The following PKHD1 variants were observed in gnomAD, a reference collection of about 807,000 sequenced individuals.
PKHD1 encodes the protein fibrocystin.
PKHD1 carries 291 observed loss-of-function variants against 412.0 expected under a neutral mutation model. The observed-to-expected ratio is 0.71, with a 90% CI of 0.64 to 0.78. The LOEUF (loss-of-function observed/expected upper bound fraction) is 0.78. Among genes scored for constraint, PKHD1 ranks in the 30% least tolerant of loss-of-function variants. The probability of loss-of-function intolerance (pLI) is 0.00; values close to 1 mark genes in which losing one functional copy is unlikely to be tolerated. For missense variants in PKHD1, 4,825 were observed against 4,950.7 expected (o/e 0.97, Z 0.76); for synonymous variants, 1,777 against 1,821.5 (o/e 0.98, Z 0.62).
chr6:51,873,441 A>G (rs1321092332), intron 46 of PKHD1, among the ~76,000 whole-genome samples: 7 of 152,098 alleles, frequency 4.6e-5, no homozygotes, highest in Admixed American at 2.0e-4. Flanking sequence ...TTTATTTATT[A>G]TTAGTTTTTA....
intron 60 of PKHD1, among the ~76,000 whole-genome samples, chr6:51,664,975 C>T (rs1440948615): frequency 1.3e-5 from 2 of 151,982 alleles, no homozygotes; most frequent in African/African-American, 2.4e-5. Context: ...AAAATATTCT[C>T]ATCATTCTTT....
chr6:51,758,053 A>AGAGAGAGAGAGAGAGAGAGAGAGAGAG (rs1491172795), intron 55 of PKHD1, among the ~76,000 whole-genome samples: 5 of 148,388 alleles, frequency 3.4e-5, no homozygotes, highest in Admixed American at 6.8e-5. Flanking sequence ...AGAGAGAGAG[A>AGAGAGAGAGAGAGAGAGAGAGAGAGAG]AAACAAAGCA....
chr6:51,921,475 C>A (rs1583381839), intron 37 of PKHD1, among the ~76,000 whole-genome samples: 1 of 152,182 alleles, frequency 6.6e-6, no homozygotes, highest in South Asian at 2.1e-4. Context: ...TGTTGGCCTG[C>A]CTTGCTAGGT....
At chr6:51,853,567 C>T (rs1204793530) in intron 49 of PKHD1, among the ~76,000 whole-genome samples, 1 of 152,198 alleles carries the variant, frequency 6.6e-6, no homozygotes, top group East Asian at 1.9e-4. Context: ...TCCAATCAAT[C>T]ATAGGTTCAG....
At chr6:51,746,207 T>C (rs1785175780) in intron 59 of PKHD1, among the ~76,000 whole-genome samples, 1 of 152,210 alleles carries the variant, frequency 6.6e-6, no homozygotes, top group South Asian at 2.1e-4. Flanking sequence ...CTAGACCTCA[T>C]CGTTCAGTTC....
chr6:51,684,063 T>C (rs1448047605), intron 60 of PKHD1, among the ~76,000 whole-genome samples: 1 of 152,148 alleles, frequency 6.6e-6, no homozygotes, highest in East Asian at 1.9e-4. Flanking sequence ...CCTGAGTATG[T>C]ACCATGTTCC....
At chr6:51,728,207 C>T (rs1332359624) in intron 60 of PKHD1, among the ~76,000 whole-genome samples, 2 of 152,158 alleles carry the variant, frequency 1.3e-5, no homozygotes, top group Non-Finnish European at 2.9e-5. Flanking sequence ...ATGGAACCCA[C>T]TCCCAGATGA....
intron 60 of PKHD1, among the ~76,000 whole-genome samples, chr6:51,733,687 C>A (rs544488158): frequency 6.6e-6 from 1 of 152,188 alleles, no homozygotes; most frequent in African/African-American, 2.4e-5. Context: ...TTGAAAAAGT[C>A]TTATTTGGCT....
At chr6:52,005,636 G>A (rs1449945810) in intron 35 of PKHD1, among the ~76,000 whole-genome samples, 1 of 152,128 alleles carries the variant, frequency 6.6e-6, no homozygotes, top group African/African-American at 2.4e-5. Context: ...TACTCTGTGA[G>A]AGGGGAAGAG....
chr6:51,849,375 A>G (rs1347914055), intron 49 of PKHD1, among the ~76,000 whole-genome samples: 1 of 152,198 alleles, frequency 6.6e-6, no homozygotes, highest in Non-Finnish European at 1.5e-5. Context: ...GTGTCTTTAC[A>G]GTAGAATAAT....
chr6:51,823,222 G>A (rs766250473), intron 52 of PKHD1, among the ~76,000 whole-genome samples: 2 of 152,146 alleles, frequency 1.3e-5, no homozygotes, highest in Non-Finnish European at 2.9e-5. Flanking sequence ...CTGGGAGACT[G>A]AGGTGGAGTA....
At chr6:51,818,020 T>C (rs1765759209) in intron 52 of PKHD1, among the ~76,000 whole-genome samples, 1 of 152,136 alleles carries the variant, frequency 6.6e-6, no homozygotes, top group Non-Finnish European at 1.5e-5. Context: ...ATGTTTTTTA[T>C]CCAGACACTA....
chr6:51,849,677 C>T (rs1003792819), intron 49 of PKHD1, among the ~76,000 whole-genome samples: 3 of 151,878 alleles, frequency 2.0e-5, no homozygotes, highest in South Asian at 2.1e-4. Flanking sequence ...GTTTGTTGGC[C>T]GCGTAAATGT....
intron 46 of PKHD1, among the ~76,000 whole-genome samples, chr6:51,873,912 A>C (rs1265613155): frequency 6.6e-6 from 1 of 152,240 alleles, no homozygotes; most frequent in Non-Finnish European, 1.5e-5. Flanking sequence ...AGTGCAAAAT[A>C]AGATGGTAGA....
At chr6:51,988,524 C>G (rs1796479814) in intron 35 of PKHD1, among the ~76,000 whole-genome samples, 1 of 152,186 alleles carries the variant, frequency 6.6e-6, no homozygotes, top group Non-Finnish European at 1.5e-5. Flanking sequence ...CCAACAGCCA[C>G]TGTTTTATTT....
At chr6:52,002,469 T>C (rs1798550666) in intron 35 of PKHD1, among the ~76,000 whole-genome samples, 1 of 152,216 alleles carries the variant, frequency 6.6e-6, no homozygotes, top group South Asian at 2.1e-4. Context: ...TTCTCATACA[T>C]TTGGAGCCTC....
chr6:51,887,690 C>A (rs1211087708), intron 43 of PKHD1, among the ~76,000 whole-genome samples: 1 of 152,126 alleles, frequency 6.6e-6, no homozygotes, highest in Non-Finnish European at 1.5e-5. Context: ...TGCCTTCTGC[C>A]GTGAGTAAAG....
intron 51 of PKHD1, among the ~76,000 whole-genome samples, chr6:51,834,930 G>A (rs1021652562): frequency 6.6e-6 from 1 of 152,154 alleles, no homozygotes; most frequent in Non-Finnish European, 1.5e-5. Context: ...TTCCTATCTA[G>A]GCTCATATGA....
At chr6:52,042,578 T>C (rs1805081276) in intron 27 of PKHD1, among the ~76,000 whole-genome samples, 1 of 152,208 alleles carries the variant, frequency 6.6e-6, no homozygotes, top group African/African-American at 2.4e-5. Context: ...AGTATCCCAG[T>C]GTGCATCAGT....
Sources: allele counts gnomAD v4.1 joint callset (sites outside exome capture counted in the v4.1 genomes callset), GRCh38; gene constraint gnomAD v4.1.1; transcripts MANE v1.5; gene names NCBI Gene and HGNC (gene_info 2026-07-23, HGNC 2026-07-21).